The following ZBTB20 variants were observed in gnomAD, a reference collection of about 807,000 sequenced individuals.
ZBTB20 encodes the protein zinc finger and BTB domain containing 20.
In ZBTB20, 9 loss-of-function variants were observed where a neutral mutation model predicts 56.9. The ratio of observed to expected loss-of-function variants is 0.16; its 90% CI spans 0.10 to 0.28. The LOEUF (loss-of-function observed/expected upper bound fraction) is 0.28, where lower values mean the gene tolerates loss of function less well. Ranked by LOEUF, ZBTB20 falls within the 10% of genes least tolerant of loss-of-function variation. The pLI is 1.00. For missense variants in ZBTB20, 655 were observed against 1,003.0 expected, an observed-to-expected ratio of 0.65 and a Z score of 4.69; for synonymous variants, 417 against 420.7, an observed-to-expected ratio of 0.99 and a Z score of 0.11.
intron 7 of ZBTB20, among the ~76,000 whole-genome samples, chr3:114,401,274 T>A (rs557800733): frequency 1.3e-5 from 2 of 152,272 alleles, no homozygotes; most frequent in East Asian, 3.9e-4. Flanking sequence ...GCTAGTTTAA[T>A]AAACTGTAGA....
At chr3:114,754,473 C>G (rs1325132014) in intron 5 of ZBTB20, among the ~76,000 whole-genome samples, 1 of 152,038 alleles carries the variant, frequency 6.6e-6, no homozygotes, top group Non-Finnish European at 1.5e-5. Flanking sequence ...TAGTAGGGTC[C>G]TATTCTATAA....
At chr3:114,384,295 A>T (rs79729301) in intron 8 of ZBTB20, among the ~76,000 whole-genome samples, 2,648 of 152,198 alleles carry the variant, frequency 0.017, 37 homozygotes, top group African/African-American at 0.043. Flanking sequence ...GAAACCAGGG[A>T]AAAAGGAAAA....
intron 7 of ZBTB20, among the ~76,000 whole-genome samples, chr3:114,471,387 ACT>A: frequency 6.6e-6 from 1 of 152,186 alleles, no homozygotes; most frequent in Non-Finnish European, 1.5e-5. Flanking sequence ...ACTTTGCTAA[ACT>A]CTCTCCCAGA....
intron 4 of ZBTB20, among the ~76,000 whole-genome samples, chr3:114,883,611 A>T (rs1016878149): frequency 2.0e-5 from 3 of 152,230 alleles, no homozygotes; most frequent in African/African-American, 7.2e-5. Context: ...AAGTTAAAAT[A>T]GTAATATCCA....
intron 7 of ZBTB20, among the ~76,000 whole-genome samples, chr3:114,468,106 G>A (rs1229991546): frequency 6.6e-6 from 1 of 152,164 alleles, no homozygotes; most frequent in Non-Finnish European, 1.5e-5. Flanking sequence ...ACCAAAAGGT[G>A]CTTTAGAAGA....
chr3:114,666,189 G>T (rs777162520), intron 6 of ZBTB20, among the ~76,000 whole-genome samples: 5 of 151,938 alleles, frequency 3.3e-5, no homozygotes, highest in Non-Finnish European at 5.9e-5. Flanking sequence ...GAAGCCAAAA[G>T]ACTGTATAGT....
intron 2 of ZBTB20, among the ~76,000 whole-genome samples, chr3:114,996,238 G>A (rs552703482): frequency 8.6e-5 from 13 of 151,650 alleles, no homozygotes; most frequent in South Asian, 2.1e-4. Flanking sequence ...TTTAAGCTCC[G>A]GGGTACATGT....
intron 1 of ZBTB20, among the ~76,000 whole-genome samples, chr3:115,083,296 C>T (rs2108547337): frequency 6.6e-6 from 1 of 152,072 alleles, no homozygotes; most frequent in Admixed American, 6.6e-5. Context: ...TCCATGTGCC[C>T]ATCTTCTCCT....
chr3:115,012,181 A>C (rs1161617461), intron 2 of ZBTB20, among the ~76,000 whole-genome samples: 1 of 151,900 alleles, frequency 6.6e-6, no homozygotes, highest in Non-Finnish European at 1.5e-5. Context: ...ACCAGGAAAC[A>C]AAAAACAAAA....
At chr3:114,634,928 GAA>G (rs2059173089) in intron 6 of ZBTB20, among the ~76,000 whole-genome samples, 1 of 152,214 alleles carries the variant, frequency 6.6e-6, no homozygotes, top group Admixed American at 6.5e-5. Context: ...TAGGAGCAAA[GAA>G]ATGAGGAGGG....
At position 114,514,698 on chromosome 3, in the gene ZBTB20, T is replaced by C. The variant is rs571476833; in HGVS notation, c.-294-14307A>G. Among the ~76,000 whole-genome samples the C allele has an allele frequency of 4.6e-5, 7 of 151,996 alleles. No homozygotes were observed. The South Asian group carries it at 6.2e-4, about 14-fold the overall frequency. ...TATGACAACATTCAATCCATTAAGA[T>C]AGGAGGAAATGAGGAGAAAGAGAAA... is the stretch of plus-strand genomic sequence containing the variant. On this transcript the variant is annotated intron_variant, in intron 6 of 11. Transcript: ENST00000675478.
rs1295973816 is a variant in ZBTB20 at position 114,946,125 on chromosome 3, T to A, written c.-456+28241A>T. ...TAGAACTTGGTAAAAAGTTGGTAGA[T>A]AAATAAAAGTTTTGAACACCAAGAT... On this transcript the variant is annotated intron_variant, in intron 3 of 11. Coordinates refer to ENST00000675478, the MANE Select transcript of ZBTB20 (RefSeq NM_001348800.3). Among the ~76,000 whole-genome samples, 2 of 145,546 alleles carry A rather than the reference T, an allele frequency of 1.4e-5. 1 individual carries two copies. Among genetic ancestry groups the A allele is most frequent in the African/African-American group, 5.6e-5 (2 of 35,852 alleles).
chr3:114,744,351 G>A (rs901113356), intron 5 of ZBTB20, among the ~76,000 whole-genome samples: 1 of 152,076 alleles, frequency 6.6e-6, no homozygotes, highest in African/African-American at 2.4e-5. Flanking sequence ...AAATAAAAGC[G>A]CTTATCTAGT....
chr3:114,880,891 T>C (rs759913434), intron 4 of ZBTB20, among the ~76,000 whole-genome samples: 6 of 152,130 alleles, frequency 3.9e-5, no homozygotes, highest in Non-Finnish European at 5.9e-5. Context: ...AATAACTTTT[T>C]CTTTAAGTGG....
At chr3:114,575,279 T>G (rs1415218177) in intron 6 of ZBTB20, among the ~76,000 whole-genome samples, 2 of 152,210 alleles carry the variant, frequency 1.3e-5, no homozygotes, top group Non-Finnish European at 2.9e-5. Flanking sequence ...ATAGAAGGCT[T>G]GAGTGTTCTT....
At chr3:114,918,595 G>A (rs902948288) in intron 3 of ZBTB20, among the ~76,000 whole-genome samples, 1 of 152,138 alleles carries the variant, frequency 6.6e-6, no homozygotes, top group African/African-American at 2.4e-5. Flanking sequence ...ATCCTGCCAG[G>A]GCTGGGTCCT....
At chr3:114,984,184 T>A (rs376296650) in intron 2 of ZBTB20, among the ~76,000 whole-genome samples, 7 of 152,036 alleles carry the variant, frequency 4.6e-5, no homozygotes, top group Non-Finnish European at 1.0e-4. Context: ...GGGTTTAGGA[T>A]GTCTCTTTTC....
intron 3 of ZBTB20, among the ~76,000 whole-genome samples, chr3:114,951,579 C>G (rs185757562): frequency 5.3e-5 from 8 of 152,138 alleles, no homozygotes; most frequent in Admixed American, 1.3e-4. Flanking sequence ...TGAAAAGCAC[C>G]GTAAGCAAAA....
At chr3:114,761,666 C>A (rs1349421554) in intron 5 of ZBTB20, among the ~76,000 whole-genome samples, 1 of 151,816 alleles carries the variant, frequency 6.6e-6, no homozygotes, top group Non-Finnish European at 1.5e-5. Context: ...GAAATCCTGT[C>A]TCTAATAAAA....
Sources: gnomAD v4.1 joint callset for allele counts (sites outside exome capture counted in the v4.1 genomes callset) on GRCh38, gnomAD v4.1.1 for gene constraint, MANE v1.5 for transcripts, NCBI Gene and HGNC (gene_info 2026-07-23, HGNC 2026-07-21) for gene names.